Variants in NAV1 observed in about 807,000 individuals in gnomAD.
NAV1 encodes the protein neuron navigator 1.
NAV1 carries 18 observed loss-of-function variants against 175.2 expected under a neutral mutation model. The observed-to-expected ratio is 0.10, with a 90% CI of 0.07 to 0.15. The LOEUF (loss-of-function observed/expected upper bound fraction) is 0.15. Ranked by LOEUF, NAV1 falls within the 10% of genes least tolerant of loss-of-function variation. NAV1 has a pLI of 1.00. For missense variants in NAV1, 1,731 were observed against 2,436.6 expected, an observed-to-expected ratio of 0.71 and a Z score of 6.10; for synonymous variants, 897 against 978.7, an observed-to-expected ratio of 0.92 and a Z score of 1.56.
In NAV1 at chr1:201,648,631, C is replaced by G; in HGVS notation, c.-38C>G. The stretch of plus-strand genomic sequence containing the variant: ...CCCCTGCCCCCTCCCCCCGTGCCTG[C>G]AGACGCGCGGATCGTCCATGCGCTC... On this transcript the variant is annotated 5_prime_UTR_variant, in exon 1 of 30. Coordinates refer to ENST00000367296, the Ensembl canonical transcript of NAV1. The G allele has an allele frequency of 7.7e-7, 1 of 1,293,998 alleles. No homozygotes were observed. Among genetic ancestry groups the G allele is most frequent in the Non-Finnish European group, 9.7e-7 (1 of 1,025,998 alleles). The allele number at this position is 1,293,998 out of a possible 1,614,324, so 80.2% of individuals were successfully genotyped here.
At chr1:201,680,591 A>G (rs868423394) in intron 1 of NAV1, among the ~76,000 whole-genome samples, 8 of 152,208 alleles carry the variant, frequency 5.3e-5, no homozygotes, top group African/African-American at 1.9e-4. Context: ...CTCACCCATT[A>G]TAGAGAGGAC....
intron 24 of NAV1, 122 bp from the exon 29 acceptor site, chr1:201,811,481 T>G: frequency 1.7e-6 from 2 of 1,173,410 alleles, no homozygotes; most frequent in Non-Finnish European, 2.5e-6. Context: ...TAATCAAATT[T>G]GCAAGGAACT....
At chr1:201,720,506 G>C (rs1257224788) in intron 3 of NAV1, among the ~76,000 whole-genome samples, 1 of 152,188 alleles carries the variant, frequency 6.6e-6, no homozygotes, top group Non-Finnish European at 1.5e-5. Context: ...CCACCTGATG[G>C]CCATGGCAGA....
At chr1:201,761,202 A>G (rs1440775215) in intron 3 of NAV1, among the ~76,000 whole-genome samples, 1 of 152,250 alleles carries the variant, frequency 6.6e-6, no homozygotes, top group Non-Finnish European at 1.5e-5. Flanking sequence ...TATTTAATAA[A>G]GAAAAAAAGA....
intron 1 of NAV1, among the ~76,000 whole-genome samples, chr1:201,556,253 A>G (rs1027695501): frequency 6.6e-6 from 1 of 152,020 alleles, no homozygotes; most frequent in Non-Finnish European, 1.5e-5. Flanking sequence ...CTCTACAAAA[A>G]ATAAAAATAA....
At chr1:201,548,407 G>A (rs1442280486) in intron 1 of NAV1, among the ~76,000 whole-genome samples, 2 of 152,236 alleles carry the variant, frequency 1.3e-5, no homozygotes, top group Non-Finnish European at 2.9e-5. Flanking sequence ...GGGCATGATG[G>A]CACATGCCTA....
At chr1:201,696,186 G>A (rs1486003979) in intron 1 of NAV1, among the ~76,000 whole-genome samples, 1 of 152,138 alleles carries the variant, frequency 6.6e-6, no homozygotes, top group Non-Finnish European at 1.5e-5. Context: ...GGAGAGGGTG[G>A]GGTTGGGAGA....
intron 1 of NAV1, among the ~76,000 whole-genome samples, chr1:201,581,497 G>A (rs1054754923): frequency 5.9e-5 from 9 of 152,104 alleles, no homozygotes; most frequent in African/African-American, 2.2e-4. Context: ...GCCAGAGAGA[G>A]GCAGATTTGA....
chr1:201,619,435 G>T (rs935228374), upstream of NAV1, among the ~76,000 whole-genome samples: 1 of 152,224 alleles, frequency 6.6e-6, no homozygotes, highest in South Asian at 2.1e-4. Flanking sequence ...GTAGAGTCAA[G>T]ATTTAGTTCT....
Position 201,807,812 on chromosome 1 carries a change from A to G in NAV1, c.3649-141A>G. On this transcript the variant is annotated intron_variant, in intron 17 of 29. Coordinates refer to ENST00000367296, the Ensembl canonical transcript of NAV1. The surrounding 1 kb of genome is among the most constrained non-coding windows in gnomAD (Gnocchi z 5.4). ...TCTTCTGTCCGTATTCTATGAATCAAGTGAAGTGTTATAGAGGGTGGCTTA... is the reference window on the plus strand; with the variant it reads ...TCTTCTGTCCGTATTCTATGAATCAGGTGAAGTGTTATAGAGGGTGGCTTA... The G allele has an allele frequency of 1.3e-6, 1 of 772,682 alleles. No homozygotes were observed. The highest frequency in any genetic ancestry group is 2.2e-6 in the Non-Finnish European group (1 of 460,582). 47.9% of individuals were successfully genotyped at this position (772,682 alleles called of 1,614,324 possible). A position where few individuals can be genotyped will look rare whatever the true frequency, so the allele number is the denominator to read the frequency against.
chr1:201,560,528 G>A lies in NAV1; in HGVS notation c.-144+21186G>A, dbSNP rs1013616944. Among the ~76,000 whole-genome samples, 5 of 152,150 alleles carry A rather than the reference G, an allele frequency of 3.3e-5. No individual in the cohort carries two copies. The East Asian group carries it at 9.6e-4, about 29-fold the overall frequency. On this transcript the variant is annotated intron_variant, in intron 1 of 33. Coordinates refer to the NAV1 transcript ENST00000685211. The stretch of plus-strand genomic sequence containing the variant: ...AAGAGCCCAGTGACCCTGCATCCGG[G>A]GTGTTTGGGGTGCCAGAGAGAAGCA...
chr1:201,670,032 T>TA (rs528078675), intron 1 of NAV1, among the ~76,000 whole-genome samples: 169 of 152,162 alleles, frequency 1.1e-3, no homozygotes, highest in African/African-American at 4.0e-3. Flanking sequence ...AAAAGTTCCT[T>TA]ATGTATAAAG....
At chr1:201,754,323 G>T (rs1227608977) in intron 3 of NAV1, among the ~76,000 whole-genome samples, 1 of 152,162 alleles carries the variant, frequency 6.6e-6, no homozygotes, top group African/African-American at 2.4e-5. Flanking sequence ...AGTGTAAAAG[G>T]TGGGCAGAGG....
At chr1:201,709,145 C>CAAA (rs1303364669) in intron 1 of NAV1, among the ~76,000 whole-genome samples, 41 of 143,892 alleles carry the variant, frequency 2.8e-4, no homozygotes, top group Non-Finnish European at 3.9e-4. Flanking sequence ...ACCCTGTCTC[C>CAAA]AAAAAAAAAA....
At chr1:201,596,322 G>T (rs1311230095) in intron 2 of NAV1, among the ~76,000 whole-genome samples, 1 of 152,182 alleles carries the variant, frequency 6.6e-6, no homozygotes, top group African/African-American at 2.4e-5. Context: ...TTAGTCCAAG[G>T]GCTTCCTGAT....
upstream of NAV1, among the ~76,000 whole-genome samples, chr1:201,647,903 T>C (rs931282480): frequency 2.6e-5 from 4 of 151,840 alleles, no homozygotes; most frequent in African/African-American, 9.7e-5. Context: ...AACAGATCTT[T>C]ATCCTGGACA....
At chr1:201,799,454 T>C (rs1185777057) in intron 15 of NAV1, among the ~76,000 whole-genome samples, 1 of 152,250 alleles carries the variant, frequency 6.6e-6, no homozygotes, top group Non-Finnish European at 1.5e-5. Context: ...TTTTATTTCA[T>C]TTTATTTATA....
In NAV1 at chr1:201,571,448, C is replaced by T. The variant is rs987388687; in HGVS notation, c.-143-17091C>T. On this transcript the variant is annotated intron_variant, in intron 1 of 33. Coordinates refer to the NAV1 transcript ENST00000685211. ...ATATTGAGCACCTTCCATGTTTGTT[C>T]CAGGTACTGCCAGGCTCCAGGCACT... is the stretch of plus-strand genomic sequence containing the variant. Among the ~76,000 whole-genome samples the T allele has an allele frequency of 2.6e-5, 4 of 152,304 alleles. No individual in the cohort carries two copies. In the East Asian group the frequency reaches 7.7e-4, roughly 29 times the overall value.
intron 1 of NAV1, among the ~76,000 whole-genome samples, chr1:201,707,359 C>G (rs146115115): frequency 8.0e-4 from 122 of 152,320 alleles, no homozygotes; most frequent in African/African-American, 2.8e-3. Context: ...AGCACCTACT[C>G]TGTTCCAGGC....
Sources: gnomAD v4.1 joint callset for allele counts (sites outside exome capture counted in the v4.1 genomes callset) on GRCh38, gnomAD v4.1.1 for gene constraint, Gnocchi (gnomAD v3.1) non-coding constraint, MANE v1.5 for transcripts, NCBI Gene and HGNC (gene_info 2026-07-23, HGNC 2026-07-21) for gene names.